The following MTDH variants were observed in gnomAD, a reference collection of about 807,000 sequenced individuals.
MTDH encodes protein LYRIC.
A neutral mutation model predicts 72.7 loss-of-function variants in MTDH; 34 were observed. That is an observed-to-expected ratio of 0.47 (90% CI 0.36 to 0.62). MTDH has a LOEUF of 0.62. Ranked by LOEUF, MTDH falls within the 20% of genes least tolerant of loss-of-function variation. The pLI is 0.00. For missense variants in MTDH, 677 were observed against 699.4 expected (o/e 0.97, Z 0.36); for synonymous variants, 266 against 268.9 (o/e 0.99, Z 0.10).
At chr8:97,714,396 TCAGTC>T (rs1477520288) in intron 9 of MTDH, among the ~76,000 whole-genome samples, 1 of 152,148 alleles carries the variant, frequency 6.6e-6, no homozygotes, top group Non-Finnish European at 1.5e-5. Context: ...GAGGATCACT[TCAGTC>T]CAGGAGCTTG....
Position 97,729,495 on chromosome 8 carries a change from C to T in MTDH, c.*4825C>T, listed in dbSNP as rs1465161391. 6.6e-6 allele frequency among the ~76,000 whole-genome samples: 1 copy of T among 152,112 alleles called. No homozygotes were observed. The highest frequency in any genetic ancestry group is 1.5e-5 in the Non-Finnish European group (1 of 68,030). ...AGGAAGATGAGAATTGGATAATGGG[C>T]ACCTCTAACAGTGTCTGTCAGAGTT... On this transcript the variant is annotated 3_prime_UTR_variant, in exon 12 of 12. Coordinates refer to ENST00000336273, the MANE Select transcript of MTDH (RefSeq NM_178812.4).
chr8:97,696,558 C>T, intron 6 of MTDH, among the ~76,000 whole-genome samples: 1 of 152,122 alleles, frequency 6.6e-6, no homozygotes, highest in East Asian at 1.9e-4. Context: ...CATGCAAGGC[C>T]TTCCATTCAG....
At chr8:97,704,190 A>G (rs1814253441) in intron 7 of MTDH, among the ~76,000 whole-genome samples, 3 of 152,178 alleles carry the variant, frequency 2.0e-5, no homozygotes, top group South Asian at 2.1e-4. Flanking sequence ...CTTTGTTTCC[A>G]CAGCCCCCAT....
chr8:97,700,918 A>T (rs1814093998), intron 7 of MTDH, among the ~76,000 whole-genome samples: 1 of 152,152 alleles, frequency 6.6e-6, no homozygotes, highest in Non-Finnish European at 1.5e-5. Flanking sequence ...CAGTTCTTAC[A>T]GATTAAGGGA....
chr8:97,682,270 A>ATATG (rs1813160732), intron 2 of MTDH, among the ~76,000 whole-genome samples: 3 of 6,520 alleles, frequency 4.6e-4, no homozygotes, highest in African/African-American at 1.7e-3. Flanking sequence ...ATATATATAT[A>ATATG]TATATATATA....
Position 97,725,796 on chromosome 8 carries a change from G to A in MTDH, c.*1126G>A, listed in dbSNP as rs1815327423. 6.6e-6 allele frequency: 1 copy of A among 152,564 alleles called. No homozygotes were observed. Among genetic ancestry groups the A allele is most frequent in the Admixed American group, 6.6e-5 (1 of 15,252 alleles). 9.5% of individuals were successfully genotyped at this position (152,564 alleles called of 1,614,324 possible). A position where few individuals can be genotyped will look rare whatever the true frequency, so the allele number is the denominator to read the frequency against. The stretch of plus-strand genomic sequence containing the variant: ...TATTGATTTAAATGATGTGTGAGAT[G>A]TTTCACCATTTTCAGGCACTGTGTA... On this transcript the variant is annotated 3_prime_UTR_variant, in exon 12 of 12. Transcript: ENST00000336273.
Position 97,730,067 on chromosome 8 carries a change from T to TA in MTDH, c.*5398dup, listed in dbSNP as rs1315787648. On this transcript the variant is annotated 3_prime_UTR_variant, in exon 12 of 12. Coordinates refer to ENST00000336273, the MANE Select transcript of MTDH (RefSeq NM_178812.4). ...TGTAAGACATTTGCCAGCTAATAGT[T>TA]ACAGTACTGAAGCTTGTGAATACGT... Among the ~76,000 whole-genome samples, 3 of 152,204 alleles carry TA rather than the reference T, an allele frequency of 2.0e-5. No homozygotes were observed. The highest frequency in any genetic ancestry group is 2.9e-5 in the Non-Finnish European group (2 of 68,042).
At chr8:97,690,224 C>G (rs1813544407) in intron 5 of MTDH, among the ~76,000 whole-genome samples, 1 of 152,006 alleles carries the variant, frequency 6.6e-6, no homozygotes, top group African/African-American at 2.4e-5. Flanking sequence ...CCCTTGACCT[C>G]AGGTCATCTG....
intron 10 of MTDH, among the ~76,000 whole-genome samples, chr8:97,722,353 G>A (rs1291706614): frequency 1.3e-5 from 2 of 152,182 alleles, no homozygotes; most frequent in African/African-American, 4.8e-5. Context: ...TGTAATCCCA[G>A]CACTTTGGGA....
intron 5 of MTDH, among the ~76,000 whole-genome samples, chr8:97,689,525 C>A (rs915345236): frequency 2.7e-5 from 4 of 150,490 alleles, no homozygotes; most frequent in South Asian, 2.1e-4. Flanking sequence ...AGTCAAGTAT[C>A]AAATATTTCA....
At chr8:97,723,714 A>G (rs2449511) in intron 11 of MTDH, among the ~76,000 whole-genome samples, 14,276 of 149,966 alleles carry the variant, frequency 0.095, 936 homozygotes, top group East Asian at 0.25. Flanking sequence ...CTGCACTCCA[A>G]CCTGGGCGAC....
At chr8:97,690,036 C>T (rs1586249662) in intron 5 of MTDH, among the ~76,000 whole-genome samples, 1 of 148,364 alleles carries the variant, frequency 6.7e-6, no homozygotes, top group East Asian at 2.0e-4. Flanking sequence ...TGCTTGTTGT[C>T]CAGGCTGGAG....
At chr8:97,693,982 T>C (rs568680284) in intron 6 of MTDH, among the ~76,000 whole-genome samples, 1 of 152,274 alleles carries the variant, frequency 6.6e-6, no homozygotes, top group East Asian at 1.9e-4. Context: ...CTCACAGTGC[T>C]GGGATTACAG....
At chr8:97,713,852 T>TAG in intron 9 of MTDH, 83 bp downstream of exon 9, 1 of 723,552 alleles carries the variant, frequency 1.4e-6, no homozygotes, top group Non-Finnish European at 2.1e-6. Flanking sequence ...TAAAAATACA[T>TAG]AGAGATAAAA....
chr8:97,703,087 C>T (rs995745634), intron 7 of MTDH, among the ~76,000 whole-genome samples: 3 of 152,150 alleles, frequency 2.0e-5, no homozygotes, highest in African/African-American at 4.8e-5. Context: ...TTACCCAGGC[C>T]GGTGCCATGG....
intron 6 of MTDH, among the ~76,000 whole-genome samples, chr8:97,698,710 A>T (rs1393500919): frequency 6.6e-6 from 1 of 152,244 alleles, no homozygotes; most frequent in Non-Finnish European, 1.5e-5. Flanking sequence ...GCTAACTCAG[A>T]CATTTTCTAG....
At position 97,728,737 on chromosome 8, in the gene MTDH, T is replaced by G. The variant is rs928411636; in HGVS notation, c.*4067T>G. ...AGGAGTTTGAAACCATCCTGAGCAA[T>G]AGAGAGACCCCCATCTCGACAAAAA... On this transcript the variant is annotated 3_prime_UTR_variant, in exon 12 of 12. Transcript: ENST00000336273. The G allele has an allele frequency of 8.8e-6, 1 of 114,242 alleles. No homozygotes were observed. Among genetic ancestry groups the G allele is most frequent in the South Asian group, 2.6e-4 (1 of 3,824 alleles). 7.1% of individuals were successfully genotyped at this position (114,242 alleles called of 1,614,324 possible). A position where few individuals can be genotyped will look rare whatever the true frequency, so the allele number is the denominator to read the frequency against.
intron 6 of MTDH, among the ~76,000 whole-genome samples, chr8:97,692,312 C>G (rs1813641643): frequency 6.6e-6 from 1 of 152,176 alleles, no homozygotes; most frequent in Admixed American, 6.5e-5. Context: ...TATTTAATGG[C>G]CCTATAATGT....
At chr8:97,694,195 T>C (rs2438197) in intron 6 of MTDH, among the ~76,000 whole-genome samples, 14,520 of 151,142 alleles carry the variant, frequency 0.096, 1,023 homozygotes, top group East Asian at 0.29. Context: ...AGGCTTTTTC[T>C]GGAACTTTTT....
Sources: gnomAD v4.1 joint callset for allele counts (sites outside exome capture counted in the v4.1 genomes callset) on GRCh38, gnomAD v4.1.1 for gene constraint, MANE v1.5 for transcripts, NCBI Gene and HGNC (gene_info 2026-07-23, HGNC 2026-07-21) for gene names.